TIMD4: variants seen among roughly 807,000 people sequenced by gnomAD.
TIMD4 encodes T cell immunoglobulin and mucin domain containing 4, also known as T-cell immunoglobulin and mucin domain-containing protein 4.
Under a neutral mutation model 41.2 loss-of-function variants are expected in TIMD4, and 31 were observed. The ratio of observed to expected loss-of-function variants is 0.75; its 90% CI spans 0.57 to 1.01. The LOEUF (loss-of-function observed/expected upper bound fraction) is 1.01. Ranked by LOEUF, TIMD4 falls within the 50% of genes least tolerant of loss-of-function variation. The pLI, the probability that TIMD4 is intolerant of heterozygous loss-of-function variation, is 0.00. For synonymous variants in TIMD4, 204 were observed against 177.1 expected, an observed-to-expected ratio of 1.15 and a Z score of -1.21; for missense variants, 479 against 472.5, an observed-to-expected ratio of 1.01 and a Z score of -0.13.
intron 5 of TIMD4, among the ~76,000 whole-genome samples, chr5:156,941,651 G>T (rs1187146613): frequency 6.6e-6 from 1 of 152,122 alleles, no homozygotes; most frequent in Non-Finnish European, 1.5e-5. Context: ...GCCCCAGTGT[G>T]CCTTTTCTTA....
At chr5:156,951,126 T>C (rs1759843709) in intron 3 of TIMD4, among the ~76,000 whole-genome samples, 2 of 151,992 alleles carry the variant, frequency 1.3e-5, no homozygotes, top group Non-Finnish European at 2.9e-5. Context: ...TATATTGAGA[T>C]AGCGCCTTTA....
intron 6 of TIMD4, among the ~76,000 whole-genome samples, chr5:156,925,785 A>C (rs1249081994): frequency 6.6e-6 from 1 of 152,228 alleles, no homozygotes; most frequent in Non-Finnish European, 1.5e-5. Flanking sequence ...TGCCAAGAGT[A>C]CAAGTCTATA....
At chr5:156,922,337 T>C (rs1759259991) in intron 6 of TIMD4, 121 bp from the exon 7 acceptor site, 1 of 864,992 alleles carries the variant, frequency 1.2e-6, no homozygotes, top group East Asian at 2.5e-5. Context: ...TCACCACCTT[T>C]TGTCAAAAAT....
Position 156,926,331 on chromosome 5 carries a change from GA to G in TIMD4, c.845-20del, listed in dbSNP as rs759869243. 2.0e-5 allele frequency: 33 copies of G among 1,613,078 alleles called. No homozygotes were observed. Among genetic ancestry groups the G allele is most frequent in the Middle Eastern group, 3.3e-4 (2 of 6,082 alleles). ...TCAGATGCTGGGAAGGAAAAGAGAAGAAAATGGTTATATGTCTGGTTGGGGA... is the reference window on the plus strand; with the variant it reads ...TCAGATGCTGGGAAGGAAAAGAGAAGAAATGGTTATATGTCTGGTTGGGGA... On this transcript the variant is annotated intron_variant, in intron 5 of 8. Coordinates refer to ENST00000274532, the MANE Select transcript of TIMD4 (RefSeq NM_138379.3).
chr5:156,942,202 G>A (rs1463450458), intron 5 of TIMD4, among the ~76,000 whole-genome samples: 1 of 152,188 alleles, frequency 6.6e-6, no homozygotes, highest in African/African-American at 2.4e-5. Flanking sequence ...CTGATTACAG[G>A]TATAATGATT....
chr5:156,956,018 A>T (rs184517701), intron 1 of TIMD4, among the ~76,000 whole-genome samples: 10 of 152,328 alleles, frequency 6.6e-5, no homozygotes, highest in African/African-American at 2.4e-4. Flanking sequence ...TGAAATATAC[A>T]ACACATGATT....
At chr5:156,941,310 A>C (rs1759648636) in intron 5 of TIMD4, among the ~76,000 whole-genome samples, 1 of 152,220 alleles carries the variant, frequency 6.6e-6, no homozygotes, top group Non-Finnish European at 1.5e-5. Flanking sequence ...AGAATGATCA[A>C]TAAATACTAA....
chr5:156,958,309 GA>G (rs1477598652), intron 1 of TIMD4, among the ~76,000 whole-genome samples: 1 of 3,782 alleles, frequency 2.6e-4, no homozygotes, highest in Non-Finnish European at 4.4e-4. Flanking sequence ...AAGAAAGAAG[GA>G]AAGGAAAGGA....
chr5:156,954,620 C>T lies in TIMD4; in HGVS notation c.195G>A (p.Lys65=), dbSNP rs61743249. The change falls in exon 2 of 9, where the codon AAG becomes AAA. Residue 65 remains lysine, a synonymous_variant. Coordinates refer to ENST00000274532, the MANE Select transcript of TIMD4 (RefSeq NM_138379.3). ...GKDQCPYSGC[K]EALIRTDGMR... ...TTCCATCAGTGCGGATGAGCGCCTCCTTGCAACCGGAGTAGGGGCACTGGT... is the reference window on the plus strand; with the variant it reads ...TTCCATCAGTGCGGATGAGCGCCTCTTTGCAACCGGAGTAGGGGCACTGGT... The T allele has an allele frequency of 0.027, 43,583 of 1,614,220 alleles. 852 individuals are homozygous for T. The highest frequency in any genetic ancestry group is 0.071 in the South Asian group (6,488 of 91,086).
rs553444098 is a variant in TIMD4, at chr5:156,922,474, T to C, written c.895-258A>G. 2.6e-5 allele frequency among the ~76,000 whole-genome samples: 4 copies of C among 152,334 alleles called. No homozygotes were observed. In the South Asian group the frequency reaches 8.3e-4, roughly 32 times the overall value. ...TAACTGTTGTGAGCTGTGTTCTCCA[T>C]GGTCAAATCTCTTTCCTAGCCGCTG... On this transcript the variant is annotated intron_variant, in intron 6 of 8. Transcript: ENST00000274532.
At chr5:156,961,657 G>GCCAGGCATGGTGGCAGGCACCCATAGTC (rs1561557253) in intron 1 of TIMD4, among the ~76,000 whole-genome samples, 1 of 151,258 alleles carries the variant, frequency 6.6e-6, no homozygotes, top group African/African-American at 2.4e-5. Context: ...ACAAAAATTA[G>GCCAGGCATGGTGGCAGGCACCCATAGTC]CCAGGCATGG....
chr5:156,926,188 G>A, intron 6 of TIMD4, 75 bp downstream of exon 6: 10 of 1,497,074 alleles, frequency 6.7e-6, no homozygotes, highest in South Asian at 4.6e-5. Flanking sequence ...ATAGGCATGA[G>A]CCACCGTGCC....
intron 6 of TIMD4, among the ~76,000 whole-genome samples, chr5:156,925,206 A>G (rs1410763242): frequency 1.3e-5 from 2 of 152,210 alleles, no homozygotes; most frequent in African/African-American, 4.8e-5. Context: ...GCTACTCAGG[A>G]GGCTGAGGCA....
At chr5:156,955,123 C>A (rs543764674) in intron 1 of TIMD4, among the ~76,000 whole-genome samples, 1 of 152,122 alleles carries the variant, frequency 6.6e-6, no homozygotes, top group Non-Finnish European at 1.5e-5. Flanking sequence ...TTTTGATGTG[C>A]CTTGCTTACT....
chr5:156,949,871 G>A, intron 3 of TIMD4, 140 bp from the exon 4 acceptor site: 1 of 584,630 alleles, frequency 1.7e-6, no homozygotes, highest in Non-Finnish European at 3.2e-6. Context: ...AGGCTGGAGT[G>A]CAGTGGCACA....
chr5:156,937,612 C>T (rs1759563951), intron 5 of TIMD4, among the ~76,000 whole-genome samples: 1 of 152,156 alleles, frequency 6.6e-6, no homozygotes. Flanking sequence ...TTCTTTTTCA[C>T]TCTTTGTTTG....
In TIMD4 at chr5:156,954,120, T is replaced by C. The variant is rs138530589; in HGVS notation, c.400+295A>G. 2.6e-5 allele frequency among the ~76,000 whole-genome samples: 4 copies of C among 152,322 alleles called. No individual in the cohort carries two copies. In the South Asian group the frequency reaches 6.2e-4, roughly 24 times the overall value. On this transcript the variant is annotated intron_variant, in intron 2 of 8. Transcript: ENST00000274532. The stretch of plus-strand genomic sequence containing the variant: ...TCAACAGAGTTCACATAAAACTTGA[T>C]AGGTCTGAAAACACTGGACCCAAAT...
At chr5:156,952,770 C>A (rs1158499689) in intron 2 of TIMD4, among the ~76,000 whole-genome samples, 1 of 152,208 alleles carries the variant, frequency 6.6e-6, no homozygotes, top group Non-Finnish European at 1.5e-5. Context: ...AAACTTTAAG[C>A]ACCATGAGGG....
At chr5:156,929,897 C>T (rs79275934) in intron 5 of TIMD4, among the ~76,000 whole-genome samples, 2,009 of 152,272 alleles carry the variant, frequency 0.013, 19 homozygotes, top group Middle Eastern at 0.051. Flanking sequence ...CTAAATCCAA[C>T]GAAAGATCCT....
Sources: gnomAD v4.1 joint callset for allele counts (sites outside exome capture counted in the v4.1 genomes callset) on GRCh38, gnomAD v4.1.1 for gene constraint, MANE v1.5 for transcripts, NCBI Gene and HGNC (gene_info 2026-07-23, HGNC 2026-07-21) for gene names.